FBXL18: variants seen among roughly 807,000 people sequenced by gnomAD.
FBXL18 encodes the protein F-box/LRR-repeat protein 18.
Under a neutral mutation model 46.0 loss-of-function variants are expected in FBXL18, and 36 were observed. That is an observed-to-expected ratio of 0.78 (90% CI 0.60 to 1.03). The LOEUF (loss-of-function observed/expected upper bound fraction) is 1.03. Among genes scored for constraint, FBXL18 ranks in the 50% least tolerant of loss-of-function variants. The probability of loss-of-function intolerance (pLI) is 0.00; values close to 1 mark genes in which losing one functional copy is unlikely to be tolerated. For missense variants in FBXL18, 977 were observed against 1,004.1 expected, an observed-to-expected ratio of 0.97 and a Z score of 0.36; for synonymous variants, 557 against 465.3, an observed-to-expected ratio of 1.20 and a Z score of -2.54.
downstream of FBXL18, among the ~76,000 whole-genome samples, chr7:5,472,228 A>T (rs1783437663): frequency 6.6e-6 from 1 of 152,022 alleles, no homozygotes. Flanking sequence ...CAACAGGCCC[A>T]GTGCACTAAG....
intron 4 of FBXL18, among the ~76,000 whole-genome samples, chr7:5,483,846 C>G (rs1783707857): frequency 6.6e-6 from 1 of 152,188 alleles, no homozygotes; most frequent in Non-Finnish European, 1.5e-5. Flanking sequence ...TTTGCCAACA[C>G]TAAGTCAAGT....
chr7:5,470,191 T>C (rs1783405754), intron 4 of FBXL18, among the ~76,000 whole-genome samples: 1 of 152,120 alleles, frequency 6.6e-6, no homozygotes, highest in Admixed American at 6.5e-5. Context: ...CCCCAGGCTC[T>C]GCAAGGCTCA....
In FBXL18 at chr7:5,480,367, C is replaced by T. The variant is rs1290255367; in HGVS notation, c.*1408G>A. 1 of 152,106 alleles carries T rather than the reference C, an allele frequency of 6.6e-6. No individual in the cohort carries two copies. 9.4% of individuals were successfully genotyped at this position (152,106 alleles called of 1,614,324 possible). A position where few individuals can be genotyped will look rare whatever the true frequency, so the allele number is the denominator to read the frequency against. ...GGAGGTGGAGGACGGCAGAAGCGGC[C>T]ACCGTGGCACATGGGGTGAGGACTC... On this transcript the variant is annotated 3_prime_UTR_variant, in exon 5 of 5. Transcript: ENST00000382368.
chr7:5,497,814 G>T (rs545875353), intron 3 of FBXL18, among the ~76,000 whole-genome samples: 97 of 152,318 alleles, frequency 6.4e-4, no homozygotes, highest in African/African-American at 2.1e-3. Flanking sequence ...ATTATGGCAG[G>T]GAGGATGGGC....
Position 5,466,070 on chromosome 7 carries a change from G to A in FBXL18, c.2001-18227C>T, listed in dbSNP as rs368983727. ...TAACCTCAGGTGATCTGCCTGCCTCGGCCTCCCAAAATGCTGGGATTATAG... is the reference window on the plus strand; with the variant it reads ...TAACCTCAGGTGATCTGCCTGCCTCAGCCTCCCAAAATGCTGGGATTATAG... On this transcript the variant is annotated intron_variant and NMD_transcript_variant, in intron 4 of 6. Coordinates refer to the FBXL18 transcript ENST00000415009. 7.9e-5 allele frequency among the ~76,000 whole-genome samples: 12 copies of A among 151,772 alleles called. No homozygotes were observed. The South Asian group carries it at 8.3e-4, about 11-fold the overall frequency.
intron 4 of FBXL18, among the ~76,000 whole-genome samples, chr7:5,463,724 A>T (rs868779571): frequency 0.028 from 1,641 of 59,128 alleles, 48 homozygotes; most frequent in Non-Finnish European, 0.033. Context: ...TTATTTATTT[A>T]TTTATTTTTT....
chr7:5,486,102 A>AAAG (rs1783768988), intron 4 of FBXL18, among the ~76,000 whole-genome samples: 3 of 137,074 alleles, frequency 2.2e-5, no homozygotes, highest in African/African-American at 9.0e-5. Context: ...AATAAATAAA[A>AAAG]ATTTAGCTGG....
intron 1 of FBXL18, among the ~76,000 whole-genome samples, chr7:5,512,832 T>C (rs1457871892): frequency 6.6e-6 from 1 of 151,964 alleles, no homozygotes; most frequent in African/African-American, 2.4e-5. Flanking sequence ...AGAAGGGCGG[T>C]GAGCACAGCG....
chr7:5,461,199 G>T (rs1783239004), intron 4 of FBXL18, among the ~76,000 whole-genome samples: 1 of 152,168 alleles, frequency 6.6e-6, no homozygotes, highest in Non-Finnish European at 1.5e-5. Context: ...GAATAACAAG[G>T]GCAGGAGTTC....
At chr7:5,490,973 T>G (rs186653723) in intron 4 of FBXL18, among the ~76,000 whole-genome samples, 37 of 152,204 alleles carry the variant, frequency 2.4e-4, no homozygotes, top group East Asian at 1.2e-3. Flanking sequence ...GTAATAATAA[T>G]AATAAGAAGA....
Position 5,491,243 on chromosome 7 carries a change from G to A in FBXL18, c.1988C>T (p.Ser663Leu), listed in dbSNP as rs778040104. The A allele has an allele frequency of 1.2e-5, 20 of 1,611,946 alleles. 1 individual carries two copies. In the Admixed American group the frequency reaches 2.5e-4, roughly 20 times the overall value. Residue 663 changes from serine to leucine, a missense_variant, in exon 4 of 5, where the codon TCG (serine) becomes TTG (leucine). Transcript: ENST00000382368. ...SLATCKSLQQ[S>L]LLRSFQAERP... ...CCACATCACTCACCTGCGGAGAAGC[G>A]ACTGCTGCAGGCTCTTGCAGGTGGC...
Position 5,501,359 on chromosome 7 carries a change from C to T in FBXL18, c.910G>A (p.Gly304Ser). ...ALQLPKSWLN[G>S]SSLLQHMKFN... is the part of the protein sequence containing the mutation. The stretch of plus-strand genomic sequence containing the variant: ...TTCATGTGCTGCAGGAGGGAAGAGC[C>T]GTTCAGCCAGGACTTGGGCAGCTGC... Residue 304 changes from glycine (G) to serine (S), a missense_variant, in exon 3 of 5, where the codon GGC becomes AGC. Coordinates refer to ENST00000382368, the MANE Select transcript of FBXL18 (RefSeq NM_024963.6). 6.2e-7 allele frequency: 1 copy of T among 1,614,036 alleles called. No individual in the cohort carries two copies. The highest frequency in any genetic ancestry group is 8.5e-7 in the Non-Finnish European group (1 of 1,180,022).
intron 1 of FBXL18, among the ~76,000 whole-genome samples, 185 bp downstream of exon 1, chr7:5,513,472 G>T (rs1032231799): frequency 6.6e-6 from 1 of 152,168 alleles, no homozygotes; most frequent in African/African-American, 2.4e-5. Context: ...GACAGGGTAG[G>T]AGTCTTGGGG....
Position 5,478,078 on chromosome 7 carries a change from C to G in FBXL18, c.*3697G>C, listed in dbSNP as rs1336840809. ...GGGCGCTGCTGAGCTGGCAGGCAAC[C>G]CTTGTGTGTTTGCAGCGCAAGAGGA... is the stretch of plus-strand genomic sequence containing the variant. On this transcript the variant is annotated 3_prime_UTR_variant, in exon 5 of 5. Transcript: ENST00000382368. 1 of 152,416 alleles carries G rather than the reference C, an allele frequency of 6.6e-6. No individual in the cohort carries two copies. Among genetic ancestry groups the G allele is most frequent in the Non-Finnish European group, 1.5e-5 (1 of 68,198 alleles). 9.4% of individuals were successfully genotyped at this position (152,416 alleles called of 1,614,324 possible).
chr7:5,494,526 G>A (rs12536086), intron 3 of FBXL18, among the ~76,000 whole-genome samples: 142,170 of 152,300 alleles, frequency 0.93, 66,447 homozygotes, highest in African/African-American at 0.98. Flanking sequence ...AAGCTATTCA[G>A]ATTGTTTTTA....
At chr7:5,484,447 G>A (rs374830710) in intron 4 of FBXL18, among the ~76,000 whole-genome samples, 8 of 148,406 alleles carry the variant, frequency 5.4e-5, no homozygotes, top group African/African-American at 2.0e-4. Context: ...TCCAGCCTGG[G>A]CGACAGAGGG....
intron 4 of FBXL18, among the ~76,000 whole-genome samples, chr7:5,462,964 AAAAAAATAT>A (rs57364330): frequency 0.11 from 2,563 of 23,900 alleles, 113 homozygotes; most frequent in South Asian, 0.29. Context: ...AAAAAAAAAA[AAAAAAATAT>A]ATATATATAT....
At chr7:5,504,068 G>T (rs1394654520) in intron 2 of FBXL18, among the ~76,000 whole-genome samples, 1 of 151,472 alleles carries the variant, frequency 6.6e-6, no homozygotes, top group East Asian at 2.0e-4. Context: ...AGGAGGCCTG[G>T]AGGCCTGATA....
At chr7:5,474,340 G>T (rs529402597), downstream of FBXL18, among the ~76,000 whole-genome samples, 20 of 148,514 alleles carry the variant, frequency 1.3e-4, no homozygotes, top group East Asian at 4.0e-3. Context: ...ACAGGGTCTC[G>T]CTCTGTCACC....
Sources: gnomAD v4.1 joint callset for allele counts (sites outside exome capture counted in the v4.1 genomes callset) on GRCh38, gnomAD v4.1.1 for gene constraint, MANE v1.5 for transcripts, NCBI Gene and HGNC (gene_info 2026-07-23, HGNC 2026-07-21) for gene names.